PDE6A: variants seen among roughly 807,000 people sequenced by gnomAD.
The protein encoded by PDE6A is phosphodiesterase 6A.
In PDE6A, 84 loss-of-function variants were observed where a neutral mutation model predicts 106.3. The observed-to-expected ratio is 0.79, with a 90% confidence interval of 0.66 to 0.95. The LOEUF (loss-of-function observed/expected upper bound fraction) is 0.95. PDE6A is among the 40% of genes least tolerant of loss of function. The pLI is 0.00. For missense variants in PDE6A, 1,052 were observed against 1,084.9 expected, an observed-to-expected ratio of 0.97 and a Z score of 0.43; for synonymous variants, 394 against 386.6, an observed-to-expected ratio of 1.02 and a Z score of -0.23.
At chr5:149,940,312 A>G (rs1284153190) in intron 1 of PDE6A, among the ~76,000 whole-genome samples, 3 of 152,010 alleles carry the variant, frequency 2.0e-5, no homozygotes, top group Non-Finnish European at 4.4e-5. Flanking sequence ...GGGAGAATAG[A>G]CTCCAGTCCA....
At chr5:149,938,802 T>C (rs748214565) in intron 1 of PDE6A, among the ~76,000 whole-genome samples, 21 of 151,970 alleles carry the variant, frequency 1.4e-4, no homozygotes, top group Admixed American at 6.6e-4. Context: ...TGGCAAATCT[T>C]CCCAAGGCAA....
chr5:149,866,480 T>A, intron 19 of PDE6A: 1 of 515,996 alleles, frequency 1.9e-6, no homozygotes, highest in South Asian at 2.2e-5. Flanking sequence ...CACACTGTCT[T>A]CAGCAAATAA....
At chr5:149,927,044 G>A (rs1293690856) in intron 4 of PDE6A, among the ~76,000 whole-genome samples, 2 of 151,564 alleles carry the variant, frequency 1.3e-5, no homozygotes, top group African/African-American at 4.9e-5. Flanking sequence ...ATACAGTCAT[G>A]CGTCACTTAA....
rs1375725797 is a variant in PDE6A, at chr5:149,931,059, G to T, written c.827C>A (p.Ser276Tyr). The change falls in exon 4 of 22, where the codon TCT (serine) becomes TAT (tyrosine). Residue 276 changes from serine to tyrosine, a missense_variant. Ser to Tyr is a moderately radical substitution (Grantham distance 144, BLOSUM62 -2). This residue lies in a region of PDE6A where 913 missense variants were observed against 915.2 expected (regional missense o/e 1.00). Transcript: ENST00000255266. ...CTTGGTCATGTCTAAGAGACCCACA[G>T]AGTATCTGTCACAGTTGAGGAAAGC... ...VRAFLNCDRY[S>Y]VGLLDMTKQK... 1 of 1,614,154 alleles carries T rather than the reference G, an allele frequency of 6.2e-7. No individual in the cohort carries two copies. Among genetic ancestry groups the T allele is most frequent in the Admixed American group, 1.7e-5 (1 of 60,026 alleles).
intron 1 of PDE6A, among the ~76,000 whole-genome samples, chr5:149,942,587 C>T (rs541184565): frequency 1.2e-4 from 18 of 152,020 alleles, no homozygotes; most frequent in African/African-American, 4.3e-4. Flanking sequence ...AGCAGTGGGC[C>T]CAGGGGACTG....
Position 149,860,798 on chromosome 5 carries a change from ACT to A in PDE6A, c.*95_*96del. The stretch of plus-strand genomic sequence containing the variant: ...TCTCTAACAGCTTTCAAATCCTATG[ACT>A]CTTCTACTTCTCAAGGTGTGTGGTC... On this transcript the variant is annotated 3_prime_UTR_variant, in exon 22 of 22. Coordinates refer to ENST00000255266, the MANE Select transcript of PDE6A (RefSeq NM_000440.3). 1.0e-6 allele frequency: 1 copy of A among 1,002,886 alleles called. No individual in the cohort carries two copies. The highest frequency in any genetic ancestry group is 1.6e-6 in the Non-Finnish European group (1 of 639,644). 62.1% of individuals were successfully genotyped at this position (1,002,886 alleles called of 1,614,324 possible).
intron 1 of PDE6A, among the ~76,000 whole-genome samples, chr5:149,942,519 C>T (rs1300160245): frequency 6.6e-6 from 1 of 152,064 alleles, no homozygotes; most frequent in Non-Finnish European, 1.5e-5. Flanking sequence ...TATTTCTCGT[C>T]AGGTGGGATG....
intron 10 of PDE6A, 70 bp from the exon 11 acceptor site, chr5:149,896,846 T>A (rs1752774312): frequency 1.3e-6 from 2 of 1,531,134 alleles, no homozygotes; most frequent in Non-Finnish European, 9.0e-7. Context: ...CATTCCCATT[T>A]ATCTCCTTCC....
At chr5:149,895,894 T>C (rs17110665) in intron 12 of PDE6A, among the ~76,000 whole-genome samples, 1 of 152,004 alleles carries the variant, frequency 6.6e-6, no homozygotes, top group Non-Finnish European at 1.5e-5. Context: ...ACTGCTTTAA[T>C]CAAAATCAAA....
At chr5:149,919,601 G>A (rs1753645448) in intron 5 of PDE6A, among the ~76,000 whole-genome samples, 1 of 152,168 alleles carries the variant, frequency 6.6e-6, no homozygotes, top group South Asian at 2.1e-4. Flanking sequence ...AGTGTGCTTT[G>A]GGTAACTAGG....
intron 17 of PDE6A, 134 bp downstream of exon 17, chr5:149,883,295 A>AT (rs375766496): frequency 1.0e-5 from 7 of 694,910 alleles, no homozygotes; most frequent in Admixed American, 2.1e-5. Context: ...GCATAACTTC[A>AT]TTTTTTTCAT....
chr5:149,874,274 T>C (rs1044566098), intron 17 of PDE6A, among the ~76,000 whole-genome samples: 6 of 152,210 alleles, frequency 3.9e-5, no homozygotes, highest in African/African-American at 9.6e-5. Flanking sequence ...GCCAGCCACA[T>C]GTATGGGGTC....
intron 20 of PDE6A, among the ~76,000 whole-genome samples, chr5:149,864,262 T>C (rs1394608656): frequency 6.6e-6 from 1 of 151,518 alleles, no homozygotes; most frequent in African/African-American, 2.4e-5. Flanking sequence ...TTTTTGAAAC[T>C]GAGTTTTGCT....
In PDE6A at chr5:149,944,180, T is replaced by TC; in HGVS notation, c.474+19dup. 2 of 1,585,640 alleles carry TC rather than the reference T, an allele frequency of 1.3e-6. No homozygotes were observed. Among genetic ancestry groups the TC allele is most frequent in the Non-Finnish European group, 1.7e-6 (2 of 1,154,818 alleles). On this transcript the variant is annotated intron_variant, in intron 1 of 21. Coordinates refer to ENST00000255266, the MANE Select transcript of PDE6A (RefSeq NM_000440.3). ...ATGTAATAATGCCCCATGCCCTCTC[T>TC]CTCATGGGGAAGAGAGTACCTCCTC...
Position 149,907,366 on chromosome 5 carries a change from A to G in PDE6A, c.1011T>C (p.Pro337=), listed in dbSNP as rs767768822. The change falls in exon 7 of 22, where the codon CCT becomes CCC. Residue 337 remains proline, a synonymous_variant. Transcript: ENST00000255266. ...EDIKVIPNPP[P]DHWALVSGLP... is the part of the protein sequence containing the mutation. ...GACCGCTTACTAAAGCCCAATGGTCAGGAGGTGGATTCCTGTGAAGGCCAA... is the reference window on the plus strand; with the variant it reads ...GACCGCTTACTAAAGCCCAATGGTCGGGAGGTGGATTCCTGTGAAGGCCAA... The G allele has an allele frequency of 5.0e-6, 8 of 1,613,910 alleles. No individual in the cohort carries two copies. The highest frequency in any genetic ancestry group is 4.0e-5 in the African/African-American group (3 of 74,926).
chr5:149,870,448 TAAGA>T (rs1561683476), intron 17 of PDE6A, among the ~76,000 whole-genome samples: 3 of 152,158 alleles, frequency 2.0e-5, no homozygotes, highest in African/African-American at 4.8e-5. Context: ...GCTATGCATA[TAAGA>T]GTCACTGGCT....
At position 149,892,751 on chromosome 5, in the gene PDE6A, G is replaced by C. The variant is rs189689951; in HGVS notation, c.1728+2432C>G. Among the ~76,000 whole-genome samples the C allele has an allele frequency of 1.3e-4, 20 of 152,202 alleles. 1 individual carries two copies. The highest frequency in any genetic ancestry group is 3.3e-4 in the Admixed American group (5 of 15,284). On this transcript the variant is annotated intron_variant, in intron 13 of 21. Transcript: ENST00000255266. ...CTACCTAAGCCTCCCAAAGTGTTGA[G>C]ATTACAGGTGTGAGCCACTGCACCC...
intron 1 of PDE6A, 91 bp downstream of exon 1, chr5:149,944,109 G>A: frequency 1.1e-6 from 1 of 894,934 alleles, no homozygotes; most frequent in Admixed American, 1.7e-5. Flanking sequence ...CACCAGCCTT[G>A]TCTTGGTGGC....
chr5:149,920,938 G>GAGAAAA (rs752988879), intron 5 of PDE6A, among the ~76,000 whole-genome samples: 1 of 69,706 alleles, frequency 1.4e-5, no homozygotes, highest in Non-Finnish European at 3.1e-5. Context: ...GAGAGAAAGA[G>GAGAAAA]AGAAAAAGAA....
Sources: gnomAD v4.1 joint callset for allele counts (sites outside exome capture counted in the v4.1 genomes callset) on GRCh38, gnomAD v4.1.1 for gene constraint, gnomAD v4.1.1 regional missense constraint, MANE v1.5 for transcripts, NCBI Gene and HGNC (gene_info 2026-07-23, HGNC 2026-07-21) for gene names.